The following B3GAT2 variants were observed in gnomAD, a reference collection of about 807,000 sequenced individuals.
B3GAT2 encodes galactosylgalactosylxylosylprotein 3-beta-glucuronosyltransferase 2.
A neutral mutation model predicts 27.8 loss-of-function variants in B3GAT2; 26 were observed. The ratio of observed to expected loss-of-function variants is 0.93; its 90% CI spans 0.68 to 1.30. The LOEUF is 1.30. Ranked by LOEUF, B3GAT2 falls within the 50% of genes most tolerant of loss-of-function variation. The probability of loss-of-function intolerance (pLI) is 0.00; values close to 1 mark genes in which losing one functional copy is unlikely to be tolerated. For synonymous variants in B3GAT2, 218 were observed against 195.1 expected (o/e 1.12, Z -0.98); for missense variants, 458 against 459.0 (o/e 1.00, Z 0.02).
At chr6:70,909,700 C>A (rs567396635) in intron 1 of B3GAT2, among the ~76,000 whole-genome samples, 5 of 152,316 alleles carry the variant, frequency 3.3e-5, no homozygotes, top group East Asian at 1.9e-4. Flanking sequence ...TTGTGATCCA[C>A]TGCCCAACCT....
intron 1 of B3GAT2, among the ~76,000 whole-genome samples, chr6:70,898,649 G>A (rs1772435275): frequency 1.3e-5 from 2 of 152,142 alleles, no homozygotes; most frequent in South Asian, 2.1e-4. Context: ...CTTTTGCCCA[G>A]AACGCTAAAT....
intron 1 of B3GAT2, among the ~76,000 whole-genome samples, chr6:70,912,236 T>C (rs1772700016): frequency 6.6e-6 from 1 of 152,134 alleles, no homozygotes; most frequent in African/African-American, 2.4e-5. Flanking sequence ...GCTTTTGCTC[T>C]TTCAGTATGA....
At chr6:70,918,684 G>A (rs1006621144) in intron 1 of B3GAT2, among the ~76,000 whole-genome samples, 3 of 152,132 alleles carry the variant, frequency 2.0e-5, no homozygotes, top group Admixed American at 2.0e-4. Flanking sequence ...GAAATTCTGG[G>A]TTAAAAATTC....
chr6:70,857,808 G>C lies in B3GAT2; in HGVS notation c.*3855C>G, dbSNP rs952601727. 1.9e-5 allele frequency: 22 copies of C among 1,188,162 alleles called. No individual in the cohort carries two copies. The highest frequency in any genetic ancestry group is 7.4e-5 in the East Asian group (3 of 40,722). 73.6% of individuals were successfully genotyped at this position (1,188,162 alleles called of 1,614,324 possible). ...CTGAGTAGTAGGAGCAGCCAAACTG[G>C]AATTAAAATGTTTGCTGTGAGTAGT... is the stretch of plus-strand genomic sequence containing the variant. On this transcript the variant is annotated 3_prime_UTR_variant, in exon 4 of 4. Coordinates refer to ENST00000230053, the MANE Select transcript of B3GAT2 (RefSeq NM_080742.3).
chr6:70,929,861 C>T (rs1773030965), intron 1 of B3GAT2, among the ~76,000 whole-genome samples: 1 of 152,070 alleles, frequency 6.6e-6, no homozygotes, highest in Non-Finnish European at 1.5e-5. Context: ...TCATATGGAA[C>T]CAAAAAAGAG....
At chr6:70,924,293 T>A (rs905688103) in intron 1 of B3GAT2, among the ~76,000 whole-genome samples, 39 of 152,200 alleles carry the variant, frequency 2.6e-4, no homozygotes, top group African/African-American at 9.2e-4. Context: ...AAATTCCATA[T>A]TTATGGATTG....
chr6:70,928,016 C>T (rs988212148), intron 1 of B3GAT2, among the ~76,000 whole-genome samples: 4 of 152,186 alleles, frequency 2.6e-5, no homozygotes, highest in Admixed American at 6.5e-5. Flanking sequence ...AATTGGAACT[C>T]AGAATTAAGA....
At chr6:70,868,613 C>G (rs1414596555) in intron 2 of B3GAT2, among the ~76,000 whole-genome samples, 1 of 152,148 alleles carries the variant, frequency 6.6e-6, no homozygotes, top group Non-Finnish European at 1.5e-5. Context: ...ATACTAACAG[C>G]TTTTTCTGTG....
chr6:70,875,073 T>G (rs1771992623), intron 2 of B3GAT2, among the ~76,000 whole-genome samples: 1 of 152,130 alleles, frequency 6.6e-6, no homozygotes, highest in East Asian at 1.9e-4. Flanking sequence ...TCTTAAGAAG[T>G]TGACTTTGAC....
At chr6:70,927,375 G>C (rs1488313177) in intron 1 of B3GAT2, among the ~76,000 whole-genome samples, 3 of 152,152 alleles carry the variant, frequency 2.0e-5, no homozygotes, top group Admixed American at 2.0e-4. Flanking sequence ...AAAAGACACA[G>C]ACTGGCAAAT....
intron 2 of B3GAT2, among the ~76,000 whole-genome samples, chr6:70,862,586 G>C (rs999056716): frequency 6.6e-6 from 1 of 152,150 alleles, no homozygotes; most frequent in Admixed American, 6.5e-5. Flanking sequence ...CAGTGCAGGA[G>C]ATATCAGGCC....
At chr6:70,953,502 A>T (rs1765606056) in intron 1 of B3GAT2, among the ~76,000 whole-genome samples, 1 of 152,202 alleles carries the variant, frequency 6.6e-6, no homozygotes. Flanking sequence ...ACAAAGGCCT[A>T]ATCTGTCCAA....
chr6:70,876,813 C>T (rs1466289677), intron 2 of B3GAT2, among the ~76,000 whole-genome samples: 2 of 152,100 alleles, frequency 1.3e-5, no homozygotes, highest in Non-Finnish European at 2.9e-5. Context: ...ATTAGAAGAA[C>T]AGATATGGGC....
chr6:70,869,999 T>C (rs1473449220), intron 2 of B3GAT2, among the ~76,000 whole-genome samples: 1 of 152,126 alleles, frequency 6.6e-6, no homozygotes, highest in East Asian at 1.9e-4. Context: ...CTCAGGGATC[T>C]AGAACTAGAA....
intron 2 of B3GAT2, among the ~76,000 whole-genome samples, chr6:70,883,980 G>A (rs1276940560): frequency 6.6e-6 from 1 of 151,320 alleles, no homozygotes; most frequent in Admixed American, 6.6e-5. Context: ...GCCTGGGAAA[G>A]GACTGTGACC....
chr6:70,868,171 G>A (rs761674118), intron 2 of B3GAT2, among the ~76,000 whole-genome samples: 1 of 152,002 alleles, frequency 6.6e-6, no homozygotes, highest in Non-Finnish European at 1.5e-5. Flanking sequence ...ACTTAATAAG[G>A]ACATCTACAA....
chr6:70,864,482 A>G (rs1285987311), intron 2 of B3GAT2, among the ~76,000 whole-genome samples: 1 of 152,200 alleles, frequency 6.6e-6, no homozygotes, highest in Non-Finnish European at 1.5e-5. Flanking sequence ...CTGAAAGGCC[A>G]GCACCCTGGA....
chr6:70,906,413 T>G (rs1288533175), intron 1 of B3GAT2, among the ~76,000 whole-genome samples: 1 of 152,156 alleles, frequency 6.6e-6, no homozygotes, highest in Non-Finnish European at 1.5e-5. Context: ...CACAGCTCAC[T>G]GCAAGCTTGA....
chr6:70,914,040 T>C (rs1772729384), intron 1 of B3GAT2, among the ~76,000 whole-genome samples: 1 of 152,208 alleles, frequency 6.6e-6, no homozygotes. Flanking sequence ...ATTTACTTGG[T>C]AGATTTTTCT....
Sources: allele counts gnomAD v4.1 joint callset (sites outside exome capture counted in the v4.1 genomes callset), GRCh38; gene constraint gnomAD v4.1.1; transcripts MANE v1.5; gene names NCBI Gene and HGNC (gene_info 2026-07-23, HGNC 2026-07-21).